The following HELZ variants were observed in gnomAD, a reference collection of about 807,000 sequenced individuals.
HELZ encodes the protein helicase with zinc finger, also known as ATP-dependent RNA helicase with zinc finger domain.
In HELZ, 23 loss-of-function variants were observed where a neutral mutation model predicts 218.2. The ratio of observed to expected loss-of-function variants is 0.11; its 90% confidence interval spans 0.08 to 0.15. The LOEUF (loss-of-function observed/expected upper bound fraction) is 0.15, where lower values mean the gene tolerates loss of function less well. Among genes scored for constraint, HELZ ranks in the 10% least tolerant of loss-of-function variants. The pLI, the probability that HELZ is intolerant of heterozygous loss-of-function variation, is 1.00. For missense variants in HELZ, 1,813 were observed against 2,353.7 expected (o/e 0.77, Z 4.75); for synonymous variants, 814 against 829.4 (o/e 0.98, Z 0.32).
intron 28 of HELZ, among the ~76,000 whole-genome samples, chr17:67,113,306 T>A (rs563006238): frequency 6.6e-6 from 1 of 152,160 alleles, no homozygotes; most frequent in African/African-American, 2.4e-5. Context: ...GTCGCCCTGG[T>A]TGGAGTGCAG....
chr17:67,172,975 T>C, intron 13 of HELZ: 1 of 775,178 alleles, frequency 1.3e-6, no homozygotes, highest in Non-Finnish European at 1.6e-6. Flanking sequence ...TTGATCACAA[T>C]TTAGCAGGCA....
chr17:67,176,999 A>G (rs1296091082), intron 13 of HELZ, among the ~76,000 whole-genome samples: 2 of 150,458 alleles, frequency 1.3e-5, no homozygotes, highest in African/African-American at 4.9e-5. Flanking sequence ...TTTTTTTTGA[A>G]ACAGGGTCTC....
chr17:67,194,613 A>G (rs2039976836), intron 8 of HELZ, among the ~76,000 whole-genome samples: 1 of 152,228 alleles, frequency 6.6e-6, no homozygotes, highest in Non-Finnish European at 1.5e-5. Context: ...GTATTTACTT[A>G]CTTGTGAATA....
At chr17:67,189,015 T>G (rs2039829670) in intron 11 of HELZ, among the ~76,000 whole-genome samples, 1 of 152,146 alleles carries the variant, frequency 6.6e-6, no homozygotes, top group African/African-American at 2.4e-5. Flanking sequence ...TCTTAGATTT[T>G]TCATCTCCAG....
At chr17:67,123,269 T>C (rs1225477272) in intron 25 of HELZ, 109 bp from the exon 26 acceptor site, 1 of 605,346 alleles carries the variant, frequency 1.7e-6, no homozygotes, top group East Asian at 3.1e-5. Flanking sequence ...TTGCCTAAGA[T>C]ATCTTATCAT....
intron 3 of HELZ, among the ~76,000 whole-genome samples, chr17:67,236,312 A>G (rs561305477): frequency 5.3e-5 from 8 of 152,374 alleles, no homozygotes; most frequent in South Asian, 2.1e-4. Flanking sequence ...GTATATCCAT[A>G]TATCTGTTAG....
chr17:67,203,507 G>C (rs977073898), intron 5 of HELZ, 64 bp from the exon 6 acceptor site: 7 of 1,576,172 alleles, frequency 4.4e-6, no homozygotes, highest in Middle Eastern at 1.7e-4. Context: ...CTTGATTATA[G>C]TATTAACACA....
chr17:67,182,002 C>G (rs540260682), intron 12 of HELZ, among the ~76,000 whole-genome samples: 68 of 151,788 alleles, frequency 4.5e-4, no homozygotes, highest in African/African-American at 1.6e-3. Context: ...GGACACTGGG[C>G]ATGACTCCTA....
intron 3 of HELZ, among the ~76,000 whole-genome samples, chr17:67,224,152 G>A (rs749975809): frequency 6.6e-6 from 1 of 152,208 alleles, no homozygotes; most frequent in Non-Finnish European, 1.5e-5. Context: ...ACAGGGATTG[G>A]CTCAGGGTAG....
At chr17:67,192,783 T>TA (rs2039930253) in intron 9 of HELZ, among the ~76,000 whole-genome samples, 1 of 152,212 alleles carries the variant, frequency 6.6e-6, no homozygotes, top group South Asian at 2.1e-4. Context: ...TCCCACTAGT[T>TA]ACAAGTTCTT....
chr17:67,132,126 C>T (rs1054581386), intron 23 of HELZ, among the ~76,000 whole-genome samples: 20 of 152,000 alleles, frequency 1.3e-4, no homozygotes, highest in Admixed American at 1.3e-3. Flanking sequence ...TTAATCACTG[C>T]CTGAACACAA....
intron 15 of HELZ, among the ~76,000 whole-genome samples, chr17:67,164,709 C>G (rs2039090026): frequency 6.6e-6 from 1 of 152,038 alleles, no homozygotes; most frequent in African/African-American, 2.4e-5. Context: ...ATTGCTAAAA[C>G]ATGAGAGTTT....
chr17:67,128,423 C>A, intron 24 of HELZ: 1 of 543,194 alleles, frequency 1.8e-6, no homozygotes, highest in Non-Finnish European at 3.3e-6. Context: ...CAGAAGTTAT[C>A]AGTATTAAAA....
intron 5 of HELZ, 90 bp from the exon 6 acceptor site, chr17:67,203,533 CT>C (rs1177065502): frequency 4.8e-6 from 7 of 1,459,486 alleles, no homozygotes; most frequent in Non-Finnish European, 6.6e-6. Flanking sequence ...ACAAGCGTGG[CT>C]TTTTATATGC....
intron 21 of HELZ, among the ~76,000 whole-genome samples, chr17:67,145,498 T>C (rs2038466190): frequency 6.6e-6 from 1 of 152,208 alleles, no homozygotes; most frequent in Non-Finnish European, 1.5e-5. Flanking sequence ...GGTTTTTCTT[T>C]TGAATGAAAT....
chr17:67,174,869 G>T (rs887434837), intron 13 of HELZ, among the ~76,000 whole-genome samples: 1 of 152,062 alleles, frequency 6.6e-6, no homozygotes, highest in African/African-American at 2.4e-5. Flanking sequence ...ATACATTCTC[G>T]GGACCTTGGG....
At chr17:67,175,038 G>A (rs1217940222) in intron 13 of HELZ, among the ~76,000 whole-genome samples, 2 of 152,058 alleles carry the variant, frequency 1.3e-5, no homozygotes, top group African/African-American at 4.8e-5. Context: ...CCTTTAAATT[G>A]GGTCTCAAAC....
chr17:67,116,724 A>G (rs1430966842), intron 27 of HELZ, among the ~76,000 whole-genome samples: 1 of 152,234 alleles, frequency 6.6e-6, no homozygotes, highest in Non-Finnish European at 1.5e-5. Flanking sequence ...AAACCTGAAC[A>G]TTGAAAATTA....
chr17:67,119,239 C>T (rs1036513546), intron 27 of HELZ, among the ~76,000 whole-genome samples: 2 of 152,108 alleles, frequency 1.3e-5, no homozygotes. Flanking sequence ...AAATTAGATA[C>T]AACTAATAGG....
Sources: allele counts gnomAD v4.1 joint callset (sites outside exome capture counted in the v4.1 genomes callset), GRCh38; gene constraint gnomAD v4.1.1; transcripts MANE v1.5; gene names NCBI Gene and HGNC (gene_info 2026-07-23, HGNC 2026-07-21).